The following HSP90AA1 variants were observed in gnomAD, a reference collection of about 807,000 sequenced individuals.
The protein encoded by HSP90AA1 is heat shock protein 90 alpha family class A member 1, also known as heat shock protein HSP 90-alpha.
A neutral mutation model predicts 73.3 loss-of-function variants in HSP90AA1; 18 were observed. The observed-to-expected ratio is 0.25, with a 90% CI of 0.17 to 0.36. The LOEUF (loss-of-function observed/expected upper bound fraction) is 0.36. Ranked by LOEUF, HSP90AA1 falls within the 10% of genes least tolerant of loss-of-function variation. The pLI, the probability that HSP90AA1 is intolerant of heterozygous loss-of-function variation, is 1.00. For missense variants in HSP90AA1, 704 were observed against 874.2 expected (o/e 0.81, Z 2.45); for synonymous variants, 477 against 296.9 (o/e 1.61, Z -6.24).
chr14:102,113,912 A>G (rs1233398405), intron 1 of HSP90AA1, among the ~76,000 whole-genome samples: 2 of 152,056 alleles, frequency 1.3e-5, no homozygotes, highest in Admixed American at 6.6e-5. Flanking sequence ...AGGTTTCACC[A>G]TGTTAGCCAG....
chr14:102,128,044 G>A (rs961733501), intron 1 of HSP90AA1, among the ~76,000 whole-genome samples: 1 of 152,168 alleles, frequency 6.6e-6, no homozygotes, highest in African/African-American at 2.4e-5. Context: ...CTTCTGTGCT[G>A]CTCTCTTCTT....
chr14:102,101,209 TA>T (rs1457630388), intron 2 of HSP90AA1, among the ~76,000 whole-genome samples: 26 of 152,308 alleles, frequency 1.7e-4, no homozygotes, highest in Admixed American at 3.9e-4. Flanking sequence ...TTCACTGCCA[TA>T]TTAGCAGGGC....
chr14:102,138,638 T>C (rs1470073351), intron 1 of HSP90AA1, among the ~76,000 whole-genome samples: 1 of 152,214 alleles, frequency 6.6e-6, no homozygotes, highest in African/African-American at 2.4e-5. Context: ...ACACTCCTCC[T>C]ACTTTAGAAA....
intron 1 of HSP90AA1, among the ~76,000 whole-genome samples, chr14:102,138,271 T>G (rs1281801523): frequency 1.3e-5 from 2 of 152,136 alleles, no homozygotes; most frequent in Admixed American, 1.3e-4. Context: ...GAAACACAGA[T>G]AAATTATTTT....
intron 1 of HSP90AA1, 129 bp downstream of exon 1, chr14:102,086,857 G>T: frequency 2.3e-6 from 1 of 440,278 alleles, no homozygotes; most frequent in Non-Finnish European, 3.0e-6. Flanking sequence ...TAGAAAGCGC[G>T]GCCGCCCGGG....
rs1285264920 is a variant in HSP90AA1, at chr14:102,114,378, T to C, written c.156-12293A>G. On this transcript the variant is annotated intron_variant, in intron 1 of 11. Coordinates refer to the HSP90AA1 transcript ENST00000334701. Reference sequence around the variant, plus strand: ...TAATCCTTGGATGTCTGCTTATGACTAAGAGTAGAGGACTAAAAAGCCATT... The same window carrying C: ...TAATCCTTGGATGTCTGCTTATGACCAAGAGTAGAGGACTAAAAAGCCATT... Among the ~76,000 whole-genome samples, 5 of 152,346 alleles carry C rather than the reference T, an allele frequency of 3.3e-5. No homozygotes were observed. The East Asian group carries it at 9.6e-4, about 29-fold the overall frequency.
At chr14:102,093,974 GAAAA>G (rs1267979143) in intron 2 of HSP90AA1, among the ~76,000 whole-genome samples, 2 of 108,258 alleles carry the variant, frequency 1.8e-5, no homozygotes, top group East Asian at 3.0e-4. Flanking sequence ...TTTCAAAAAA[GAAAA>G]AAGAAGGAAG....
chr14:102,122,250 T>C (rs2049786635), intron 1 of HSP90AA1, among the ~76,000 whole-genome samples: 1 of 151,920 alleles, frequency 6.6e-6, no homozygotes, highest in Middle Eastern at 3.4e-3. Context: ...TCTGTACTTA[T>C]TCCATTTTAG....
At chr14:102,086,167 G>A (rs375331357) in intron 2 of HSP90AA1, 43 bp from the exon 3 acceptor site, 34 of 1,603,600 alleles carry the variant, frequency 2.1e-5, no homozygotes, top group East Asian at 7.3e-5. Context: ...GCACCCCCAA[G>A]AAGTTCACAC....
At chr14:102,127,038 C>CT (rs34283559) in intron 1 of HSP90AA1, among the ~76,000 whole-genome samples, 2,232 of 146,484 alleles carry the variant, frequency 0.015, 22 homozygotes, top group South Asian at 0.039. Flanking sequence ...GTGAGAAGTA[C>CT]TTTTTTTTTT....
Position 102,082,141 on chromosome 14 carries a change from T to G in HSP90AA1, c.2059A>C (p.Arg687=). The G allele has an allele frequency of 6.2e-7, 1 of 1,613,510 alleles. No homozygotes were observed. The highest frequency in any genetic ancestry group is 1.1e-5 in the South Asian group (1 of 91,062). The change falls in exon 10 of 11, where the codon AGG becomes CGG. Residue 687 remains arginine, a synonymous_variant. Coordinates refer to ENST00000216281, the MANE Select transcript of HSP90AA1 (RefSeq NM_005348.4). ...CCAAGTTTGATCATCCTGTAGATCCTGTTAGCATGTGTCTGGGGATCTTCC... is the reference window on the plus strand; with the variant it reads ...CCAAGTTTGATCATCCTGTAGATCCGGTTAGCATGTGTCTGGGGATCTTCC... ...SLEDPQTHAN[R]IYRMIKLGLG...
upstream of HSP90AA1, among the ~76,000 whole-genome samples, chr14:102,088,330 G>A (rs529563964): frequency 6.6e-6 from 1 of 152,214 alleles, no homozygotes; most frequent in African/African-American, 2.4e-5. Flanking sequence ...TGATTGGGCC[G>A]CCTCCTGCCT....
chr14:102,120,998 T>TACAC (rs758133126), intron 1 of HSP90AA1, among the ~76,000 whole-genome samples: 1,494 of 149,396 alleles, frequency 0.01, 22 homozygotes, highest in African/African-American at 0.036. Context: ...ATCTGCAACA[T>TACAC]ACACACACAC....
chr14:102,116,155 G>A (rs536528970), intron 1 of HSP90AA1, among the ~76,000 whole-genome samples: 4 of 151,912 alleles, frequency 2.6e-5, no homozygotes, highest in East Asian at 1.9e-4. Context: ...GGGTTTCAAC[G>A]TGTTAGCCAG....
chr14:102,134,840 A>C (rs2049963139), intron 1 of HSP90AA1, among the ~76,000 whole-genome samples: 1 of 152,182 alleles, frequency 6.6e-6, no homozygotes, highest in Non-Finnish European at 1.5e-5. Flanking sequence ...GCGGGTTGCC[A>C]ATGCTAGCTC....
intron 1 of HSP90AA1, among the ~76,000 whole-genome samples, chr14:102,113,034 A>T (rs1053435289): frequency 1.6e-4 from 24 of 151,208 alleles, no homozygotes; most frequent in Admixed American, 4.6e-4. Context: ...TTATTTATTT[A>T]TTTTTTTGAG....
Position 102,085,762 on chromosome 14 carries a change from G to A in HSP90AA1, c.525C>T (p.Asp175=), listed in dbSNP as rs745994826. The A allele has an allele frequency of 3.5e-5, 56 of 1,613,980 alleles. No homozygotes were observed. The highest frequency in any genetic ancestry group is 4.7e-5 in the Non-Finnish European group (55 of 1,179,870). The change falls in exon 3 of 11, where the codon GAC becomes GAT. Residue 175 remains aspartate (D), a synonymous_variant. Coordinates refer to ENST00000216281, the MANE Select transcript of HSP90AA1 (RefSeq NM_005348.4). ...AGTGAATGTTCAGGTGCCTACCTGT[G>A]TCTGTCCTCACTGTGAATGATCCCC... ...SAGGSFTVRT[D]TGEPMGRGTK...
intron 1 of HSP90AA1, among the ~76,000 whole-genome samples, chr14:102,106,158 C>T (rs1047012946): frequency 3.9e-5 from 6 of 152,062 alleles, no homozygotes; most frequent in Non-Finnish European, 8.8e-5. Context: ...GGTTCATTTA[C>T]GTTTACATTG....
intron 2 of HSP90AA1, among the ~76,000 whole-genome samples, chr14:102,096,686 A>G (rs1049444982): frequency 2.0e-5 from 3 of 152,180 alleles, no homozygotes; most frequent in South Asian, 2.1e-4. Flanking sequence ...TGTGTGCTGA[A>G]TGGATAACTG....
Sources: gnomAD v4.1 joint callset for allele counts (sites outside exome capture counted in the v4.1 genomes callset) on GRCh38, gnomAD v4.1.1 for gene constraint, MANE v1.5 for transcripts, NCBI Gene and HGNC (gene_info 2026-07-23, HGNC 2026-07-21) for gene names.